CNTN5: variants seen among roughly 807,000 people sequenced by gnomAD.
CNTN5 encodes the protein contactin-5.
In CNTN5, 77 loss-of-function variants were observed where a neutral mutation model predicts 129.1. That is an observed-to-expected ratio of 0.60 (90% CI 0.50 to 0.72). The LOEUF (loss-of-function observed/expected upper bound fraction) is 0.72, where lower values mean the gene tolerates loss of function less well. CNTN5 is among the 30% of genes least tolerant of loss of function. The pLI is 0.00. For missense variants in CNTN5, 1,478 were observed against 1,328.8 expected, an observed-to-expected ratio of 1.11 and a Z score of -1.75; for synonymous variants, 509 against 465.6, an observed-to-expected ratio of 1.09 and a Z score of -1.20.
chr11:99,948,320 C>T (rs1284258795), intron 7 of CNTN5, among the ~76,000 whole-genome samples: 1 of 152,130 alleles, frequency 6.6e-6, no homozygotes, highest in Non-Finnish European at 1.5e-5. Context: ...GGTCCCCGTG[C>T]TGGTATTTTA....
chr11:99,893,897 T>C (rs1005159855), intron 6 of CNTN5, among the ~76,000 whole-genome samples: 1 of 152,182 alleles, frequency 6.6e-6, no homozygotes, highest in South Asian at 2.1e-4. Flanking sequence ...TGGCTTTGCA[T>C]AGTTTAATCA....
chr11:99,057,565 C>A (rs972537832), intron 1 of CNTN5, among the ~76,000 whole-genome samples: 49 of 151,950 alleles, frequency 3.2e-4, no homozygotes, highest in Non-Finnish European at 5.9e-5. Context: ...TCAATTATGT[C>A]TTTTATTGAA....
intron 3 of CNTN5, among the ~76,000 whole-genome samples, chr11:99,601,848 G>A (rs963335713): frequency 1.3e-5 from 2 of 152,110 alleles, no homozygotes; most frequent in Non-Finnish European, 2.9e-5. Flanking sequence ...AGAGGTATAT[G>A]TCACACTTCT....
chr11:99,154,510 C>T (rs10790492), intron 1 of CNTN5, among the ~76,000 whole-genome samples: 78,872 of 151,840 alleles, frequency 0.52, 21,345 homozygotes, highest in African/African-American at 0.68. Flanking sequence ...TCCATGCTGG[C>T]GGGGGAGGGA....
intron 2 of CNTN5, among the ~76,000 whole-genome samples, chr11:99,508,686 C>CTTTCTTTTTTTTTTTTT (rs11281160): frequency 5.6e-4 from 82 of 146,918 alleles, no homozygotes; most frequent in African/African-American, 1.9e-3. Flanking sequence ...TCTTTTCTTT[C>CTTTCTTTTTTTTTTTTT]TTTTTTTTTT....
At chr11:99,962,867 A>C (rs9667178) in intron 8 of CNTN5, among the ~76,000 whole-genome samples, 2 of 148,304 alleles carry the variant, frequency 1.3e-5, no homozygotes, top group Non-Finnish European at 3.0e-5. Flanking sequence ...GTGTGAGATG[A>C]TATCTCATTG....
intron 1 of CNTN5, among the ~76,000 whole-genome samples, chr11:99,178,930 G>C (rs1056098430): frequency 6.6e-6 from 1 of 151,974 alleles, no homozygotes; most frequent in Non-Finnish European, 1.5e-5. Flanking sequence ...AGTAAAATAT[G>C]ATGTTATTTA....
At chr11:100,263,625 T>C (rs1950247384) in intron 17 of CNTN5, among the ~76,000 whole-genome samples, 1 of 152,136 alleles carries the variant, frequency 6.6e-6, no homozygotes, top group Non-Finnish European at 1.5e-5. Flanking sequence ...ACCTCAAAAT[T>C]GGAGAATTTC....
At chr11:99,233,218 C>A (rs1861093030) in intron 1 of CNTN5, among the ~76,000 whole-genome samples, 1 of 152,092 alleles carries the variant, frequency 6.6e-6, no homozygotes, top group African/African-American at 2.4e-5. Flanking sequence ...CTTCTCAAAC[C>A]CAGATAAATA....
intron 8 of CNTN5, among the ~76,000 whole-genome samples, chr11:99,999,913 A>T (rs1015725560): frequency 6.6e-6 from 1 of 152,060 alleles, no homozygotes; most frequent in East Asian, 1.9e-4. Context: ...AAGGCCAAAA[A>T]ACCAAACACT....
intron 1 of CNTN5, among the ~76,000 whole-genome samples, chr11:99,184,971 G>A (rs865825783): frequency 7.0e-6 from 1 of 142,110 alleles, no homozygotes; most frequent in South Asian, 2.3e-4. Context: ...AATTCCAGAT[G>A]ATAAAGAAAC....
At chr11:99,587,991 G>A (rs1267406318) in intron 3 of CNTN5, among the ~76,000 whole-genome samples, 2 of 152,128 alleles carry the variant, frequency 1.3e-5, no homozygotes, top group Non-Finnish European at 2.9e-5. Flanking sequence ...AAAATATGTG[G>A]CCAGTGAGAA....
chr11:99,036,963 T>G (rs1278116802), intron 1 of CNTN5, among the ~76,000 whole-genome samples: 1 of 152,180 alleles, frequency 6.6e-6, no homozygotes, highest in Non-Finnish European at 1.5e-5. Flanking sequence ...TCTAAAATGC[T>G]TTGAGGCATT....
chr11:99,619,389 G>A (rs545378083), intron 3 of CNTN5, among the ~76,000 whole-genome samples: 21 of 151,890 alleles, frequency 1.4e-4, no homozygotes, highest in African/African-American at 2.4e-4. Flanking sequence ...CTGGTTTTTC[G>A]TTATGTTTCT....
At chr11:99,132,411 A>G (rs1858989196) in intron 1 of CNTN5, among the ~76,000 whole-genome samples, 1 of 152,190 alleles carries the variant, frequency 6.6e-6, no homozygotes, top group East Asian at 1.9e-4. Context: ...CGGGGCAATC[A>G]GGCAAGAGAA....
chr11:100,106,493 G>A (rs1945436793), intron 13 of CNTN5, among the ~76,000 whole-genome samples: 1 of 152,136 alleles, frequency 6.6e-6, no homozygotes, highest in African/African-American at 2.4e-5. Context: ...AATGAGGGAG[G>A]AGGGAATAAA....
At chr11:99,953,564 G>T (rs1014242291) in intron 7 of CNTN5, among the ~76,000 whole-genome samples, 2 of 152,178 alleles carry the variant, frequency 1.3e-5, no homozygotes, top group African/African-American at 4.8e-5. Flanking sequence ...ACCCTGAGGA[G>T]ATCTTGGAAG....
At chr11:99,788,047 C>T (rs80314953) in intron 3 of CNTN5, among the ~76,000 whole-genome samples, 1,675 of 151,982 alleles carry the variant, frequency 0.011, 29 homozygotes, top group African/African-American at 0.039. Flanking sequence ...GTGTTCTTGG[C>T]ACCCCTCACA....
intron 3 of CNTN5, among the ~76,000 whole-genome samples, chr11:99,731,105 ATTT>A (rs888534233): frequency 6.8e-6 from 1 of 148,058 alleles, no homozygotes; most frequent in African/African-American, 2.5e-5. Context: ...GGAAATCAGC[ATTT>A]TTTTTTTCTT....
Sources: gnomAD v4.1 joint callset for allele counts (sites outside exome capture counted in the v4.1 genomes callset) on GRCh38, gnomAD v4.1.1 for gene constraint, MANE v1.5 for transcripts, NCBI Gene and HGNC (gene_info 2026-07-23, HGNC 2026-07-21) for gene names.